Variants in RAB44 observed in about 807,000 individuals in gnomAD.
The protein encoded by RAB44 is RAB44, member RAS oncogene family, also known as ras-related protein Rab-44.
A neutral mutation model predicts 93.3 loss-of-function variants in RAB44; 67 were observed. The observed-to-expected ratio is 0.72, with a 90% CI of 0.59 to 0.88. RAB44 has a LOEUF of 0.88. Ranked by LOEUF, RAB44 falls within the 40% of genes least tolerant of loss-of-function variation. The pLI is 0.00. For synonymous variants in RAB44, 427 were observed against 520.3 expected, an observed-to-expected ratio of 0.82 and a Z score of 2.44; for missense variants, 1,064 against 1,261.7, an observed-to-expected ratio of 0.84 and a Z score of 2.37.
In RAB44 at chr6:36,733,123, C is replaced by G. The variant is rs911789596; in HGVS notation, c.*1030C>G. The G allele has an allele frequency of 6.6e-6, 1 of 152,186 alleles. No individual in the cohort carries two copies. The highest frequency in any genetic ancestry group is 1.5e-5 in the Non-Finnish European group (1 of 68,040). The allele number at this position is 152,186 out of a possible 1,614,324, so 9.4% of individuals were successfully genotyped here. On this transcript the variant is annotated 3_prime_UTR_variant, in exon 14 of 14. Transcript: ENST00000612677. ...GTCTTGGAGAGACGGCCATGGTCTTCGTTTGTATGTCTGTCACATCTTACC... is the reference window on the plus strand; with the variant it reads ...GTCTTGGAGAGACGGCCATGGTCTTGGTTTGTATGTCTGTCACATCTTACC...
At chr6:36,723,856 C>CAAAAAAAAAAAAAAAAAAA (rs1202713677) in intron 9 of RAB44, among the ~76,000 whole-genome samples, 6 of 73,318 alleles carry the variant, frequency 8.2e-5, no homozygotes, top group Non-Finnish European at 2.1e-4. Context: ...AAAAAAAAAG[C>CAAAAAAAAAAAAAAAAAAA]AAACCCGAGG....
chr6:36,725,297 TC>T (rs1490199434), intron 9 of RAB44, among the ~76,000 whole-genome samples: 1 of 152,234 alleles, frequency 6.6e-6, no homozygotes, highest in Non-Finnish European at 1.5e-5. Context: ...TGCCTCAGCC[TC>T]CTGAGTAGCT....
At chr6:36,718,630 CT>C in intron 7 of RAB44, 42 bp downstream of exon 7, 1 of 1,018,474 alleles carries the variant, frequency 9.8e-7, no homozygotes, top group South Asian at 5.0e-5. Flanking sequence ...CCGAACAGGT[CT>C]TTAATATCTA....
At chr6:36,726,248 AT>A (rs918989248) in intron 10 of RAB44, among the ~76,000 whole-genome samples, 60 of 151,850 alleles carry the variant, frequency 4.0e-4, no homozygotes, top group East Asian at 3.9e-4. Context: ...GTGATCAAAA[AT>A]TTTTTTTTCT....
Position 36,727,663 on chromosome 6 carries a change from A to C in RAB44, c.2768A>C (p.His923Pro). The change falls in exon 11 of 14, where the codon CAC (histidine) becomes CCC (proline). Residue 923 changes from histidine (H) to proline (P), a missense_variant. By Grantham distance (77) the His-to-Pro change is moderately conservative. Transcript: ENST00000612677. ...YDITSQESFA[H>P]VRYWLDCLQD... ...ATCACCTCCCAGGAGAGCTTTGCCCACGTGCGCTACTGGCTAGACTGTCTC... is the reference window on the plus strand; with the variant it reads ...ATCACCTCCCAGGAGAGCTTTGCCCCCGTGCGCTACTGGCTAGACTGTCTC... 6.4e-7 allele frequency: 1 copy of C among 1,550,568 alleles called. No homozygotes were observed. Among genetic ancestry groups the C allele is most frequent in the Non-Finnish European group, 8.7e-7 (1 of 1,146,936 alleles).
chr6:36,713,990 T>C, intron 3 of RAB44, 51 bp downstream of exon 3: 1 of 1,157,502 alleles, frequency 8.6e-7, no homozygotes, highest in Non-Finnish European at 1.2e-6. Context: ...CCGTGCAGTG[T>C]GCCCTGCATG....
intron 2 of RAB44, among the ~76,000 whole-genome samples, chr6:36,707,710 C>A (rs1215981214): frequency 6.6e-6 from 1 of 152,156 alleles, no homozygotes; most frequent in African/African-American, 2.4e-5. Context: ...TTTCTCTAGA[C>A]TTTGAGTGTG....
intron 1 of RAB44, 108 bp downstream of exon 1, chr6:36,698,023 G>A (rs1468544300): frequency 1.3e-5 from 2 of 152,298 alleles, no homozygotes; most frequent in African/African-American, 4.8e-5. Context: ...GCAAAAGGCA[G>A]AGCCCTCTTT....
chr6:36,711,275 A>G (rs1284930896), intron 2 of RAB44, among the ~76,000 whole-genome samples: 3 of 152,364 alleles, frequency 2.0e-5, no homozygotes, highest in Admixed American at 2.0e-4. Context: ...AATCTCAAAC[A>G]TATGTAAAGA....
chr6:36,706,445 G>A (rs1762652024), intron 2 of RAB44, among the ~76,000 whole-genome samples: 1 of 152,140 alleles, frequency 6.6e-6, no homozygotes, highest in African/African-American at 2.4e-5. Context: ...TCTTCTTGAG[G>A]TCCCTGATTT....
intron 2 of RAB44, among the ~76,000 whole-genome samples, chr6:36,708,344 G>T (rs1762700826): frequency 6.6e-6 from 1 of 152,070 alleles, no homozygotes; most frequent in South Asian, 2.1e-4. Context: ...TTTAGCCTAG[G>T]AAAGCCTGAA....
At chr6:36,707,758 T>G (rs1349105516) in intron 2 of RAB44, among the ~76,000 whole-genome samples, 1 of 152,244 alleles carries the variant, frequency 6.6e-6, no homozygotes, top group Non-Finnish European at 1.5e-5. Flanking sequence ...GGCCTGCAGC[T>G]TATAGCAGAG....
intron 1 of RAB44, among the ~76,000 whole-genome samples, chr6:36,702,185 G>T (rs1582605565): frequency 6.6e-6 from 1 of 152,062 alleles, no homozygotes; most frequent in Non-Finnish European, 1.5e-5. Flanking sequence ...GGGATAGGAA[G>T]GGGTGTGCAC....
chr6:36,699,037 A>T (rs567854369), intron 1 of RAB44, among the ~76,000 whole-genome samples: 1 of 152,220 alleles, frequency 6.6e-6, no homozygotes, highest in East Asian at 1.9e-4. Context: ...GGGTGAGTGC[A>T]CCATCCCACC....
chr6:36,730,759 G>GGCCGGGGCCC lies in RAB44; in HGVS notation c.2975+10_2975+11insGCCGGGGCCC. On this transcript the variant is annotated intron_variant, in intron 13 of 13. Coordinates refer to ENST00000612677, the MANE Select transcript of RAB44 (RefSeq NM_001257357.2). The stretch of plus-strand genomic sequence containing the variant: ...TAGTAAACCTGGCCAGGTAAGTGCT[G>GGCCGGGGCCC]CCCGCCCCCCGCCGCCCCCACCCCC... The GGCCGGGGCCC allele has an allele frequency of 1.7e-6, 2 of 1,203,334 alleles. No individual in the cohort carries two copies. Among genetic ancestry groups the GGCCGGGGCCC allele is most frequent in the Non-Finnish European group, 2.1e-6 (2 of 974,732 alleles). 74.5% of individuals were successfully genotyped at this position (1,203,334 alleles called of 1,614,324 possible).
chr6:36,732,421 G>T lies in RAB44; in HGVS notation c.*328G>T, dbSNP rs933871343. On this transcript the variant is annotated 3_prime_UTR_variant, in exon 14 of 14. Transcript: ENST00000612677. ...GGTGTAAAATTTTAGGGAGAATGTG[G>T]GGGGGGGGTGTTACTTTCCATTTTA... 2.7e-5 allele frequency: 4 copies of T among 148,888 alleles called. No individual in the cohort carries two copies. Among genetic ancestry groups the T allele is most frequent in the Non-Finnish European group, 5.5e-5 (4 of 72,130 alleles). The allele number at this position is 148,888 out of a possible 1,614,324, so 9.2% of individuals were successfully genotyped here.
rs1763341561 is a variant in RAB44 at position 36,730,702 on chromosome 6, T to G, written c.2928T>G (p.Ser976Arg). 4.9e-6 allele frequency: 6 copies of G among 1,234,152 alleles called. No homozygotes were observed. The highest frequency in any genetic ancestry group is 6.1e-6 in the Non-Finnish European group (6 of 988,256). The allele number at this position is 1,234,152 out of a possible 1,614,324, so 76.5% of individuals were successfully genotyped here. ...TGGGGGTCTATTTTGGGGAGTGCAGTGCCGCCTTGGGTCACAACATCCTGG... is the reference window on the plus strand; with the variant it reads ...TGGGGGTCTATTTTGGGGAGTGCAGGGCCGCCTTGGGTCACAACATCCTGG... ...QELGVYFGECSAALGHNILEP... is the reference protein window; with the variant it reads ...QELGVYFGECRAALGHNILEP... The change falls in exon 13 of 14, where the codon AGT becomes AGG. Residue 976 changes from serine to arginine, a missense_variant. Coordinates refer to ENST00000612677, the MANE Select transcript of RAB44 (RefSeq NM_001257357.2).
rs1179541637 is a variant in RAB44, at chr6:36,728,727, C to A, written c.2824C>A (p.Leu942Ile). The change falls in exon 12 of 14, where the codon CTT becomes ATT. Residue 942 changes from leucine (L) to isoleucine (I), a missense_variant. Transcript: ENST00000612677. The part of the protein sequence containing the change: ...QDAGSDGVVI[L>I]LLGNKMDCEE... ...TGCAGGGTCGGATGGGGTGGTCATC[C>A]TTCTCCTGGGAAACAAGATGGACTG... is the stretch of plus-strand genomic sequence containing the variant. 9 of 1,550,632 alleles carry A rather than the reference C, an allele frequency of 5.8e-6. No individual in the cohort carries two copies. The South Asian group carries it at 9.5e-5, about 16-fold the overall frequency.
intron 9 of RAB44, among the ~76,000 whole-genome samples, chr6:36,723,125 G>A (rs1763140058): frequency 6.6e-6 from 1 of 152,252 alleles, no homozygotes; most frequent in Admixed American, 6.5e-5. Flanking sequence ...GGTCTGGCAA[G>A]AAGTCACCTT....
Sources: gnomAD v4.1 joint callset for allele counts (sites outside exome capture counted in the v4.1 genomes callset) on GRCh38, gnomAD v4.1.1 for gene constraint, MANE v1.5 for transcripts, NCBI Gene and HGNC (gene_info 2026-07-23, HGNC 2026-07-21) for gene names.